The following RBFOX1 variants were observed in gnomAD, a reference collection of about 807,000 sequenced individuals.
The protein encoded by RBFOX1 is RNA binding protein fox-1 homolog 1.
In RBFOX1, 8 loss-of-function variants were observed where a neutral mutation model predicts 57.7. That is an observed-to-expected ratio of 0.14 (90% CI 0.08 to 0.25). The LOEUF (loss-of-function observed/expected upper bound fraction) is 0.25, where lower values mean the gene tolerates loss of function less well. Ranked by LOEUF, RBFOX1 falls within the 10% of genes least tolerant of loss-of-function variation. The pLI is 1.00. For missense variants in RBFOX1, 611 were observed against 548.5 expected (o/e 1.11, Z -1.14); for synonymous variants, 326 against 222.4 (o/e 1.47, Z -4.15).
intron 3 of RBFOX1, among the ~76,000 whole-genome samples, chr16:6,833,113 G>C (rs1411651553): frequency 1.4e-5 from 2 of 147,240 alleles, no homozygotes; most frequent in African/African-American, 5.0e-5. Context: ...GGCTTTTTCT[G>C]TGGCACTTTC....
chr16:7,557,480 C>G (rs554652958), intron 5 of RBFOX1, among the ~76,000 whole-genome samples: 2 of 151,724 alleles, frequency 1.3e-5, no homozygotes, highest in Admixed American at 6.6e-5. Flanking sequence ...ATTAGCCAGG[C>G]ATGGTGGTGG....
At chr16:6,497,026 T>G (rs2095790698) in intron 2 of RBFOX1, among the ~76,000 whole-genome samples, 1 of 152,158 alleles carries the variant, frequency 6.6e-6, no homozygotes. Context: ...AGAGGCACTG[T>G]GTCTTGGTTG....
At chr16:7,183,416 A>G (rs2083119001) in intron 4 of RBFOX1, among the ~76,000 whole-genome samples, 1 of 152,226 alleles carries the variant, frequency 6.6e-6, no homozygotes, top group Non-Finnish European at 1.5e-5. Flanking sequence ...GGGCACCATG[A>G]AAGTATCCTG....
At chr16:7,192,916 A>C (rs2085782191) in intron 4 of RBFOX1, among the ~76,000 whole-genome samples, 2 of 152,218 alleles carry the variant, frequency 1.3e-5, no homozygotes. Flanking sequence ...CTCTTCTGAG[A>C]ACAATGTAAA....
rs544277318 is a variant in RBFOX1 at position 7,129,297 on chromosome 16, T to G, written c.27+77199T>G. Among the ~76,000 whole-genome samples, 5 of 152,312 alleles carry G rather than the reference T, an allele frequency of 3.3e-5. No homozygotes were observed. In the South Asian group the frequency reaches 1.0e-3, roughly 32 times the overall value. On this transcript the variant is annotated intron_variant, in intron 4 of 15. Coordinates refer to ENST00000550418, the MANE Select transcript of RBFOX1 (RefSeq NM_018723.4). ...ATTTTGGCCAGGAAAACAAAGTGTT[T>G]CATCGGTTTGGTTAGATTTGGGTCC... is the stretch of plus-strand genomic sequence containing the variant.
intron 3 of RBFOX1, among the ~76,000 whole-genome samples, chr16:6,964,327 G>T (rs1163970426): frequency 2.0e-5 from 3 of 152,152 alleles, no homozygotes; most frequent in Non-Finnish European, 2.9e-5. Flanking sequence ...CAGCATAGAG[G>T]ATTTTTAGGG....
chr16:5,418,394 G>T (rs1359960129), intron 1 of RBFOX1, among the ~76,000 whole-genome samples: 1 of 152,026 alleles, frequency 6.6e-6, no homozygotes, highest in African/African-American at 2.4e-5. Context: ...GGAGGACCGG[G>T]GTGTTGTGTG....
At position 7,664,695 on chromosome 16, in the gene RBFOX1, A is replaced by C. The variant is rs535658529; in HGVS notation, c.891-234A>C. 9.5e-6 allele frequency: 6 copies of C among 632,894 alleles called. No homozygotes were observed. The African/African-American group carries it at 1.1e-4, about 12-fold the overall frequency. 39.2% of individuals were successfully genotyped at this position (632,894 alleles called of 1,614,324 possible). A position where few individuals can be genotyped will look rare whatever the true frequency, so the allele number is the denominator to read the frequency against. On this transcript the variant is annotated intron_variant, in intron 12 of 15. Coordinates refer to ENST00000550418, the MANE Select transcript of RBFOX1 (RefSeq NM_018723.4). Reference sequence around the variant, plus strand: ...TGAGAGAGTGGGAAGTTTGGGACCTAGCACACCGCCACCACCACATCCTAA... The same window carrying C: ...TGAGAGAGTGGGAAGTTTGGGACCTCGCACACCGCCACCACCACATCCTAA...
intron 1 of RBFOX1, among the ~76,000 whole-genome samples, chr16:5,263,338 C>G (rs1186711320): frequency 6.6e-6 from 1 of 151,928 alleles, no homozygotes; most frequent in Non-Finnish European, 1.5e-5. Flanking sequence ...ACTTTTGCAC[C>G]AACCTAATGC....
intron 2 of RBFOX1, among the ~76,000 whole-genome samples, chr16:6,543,854 A>C (rs564435629): frequency 2.6e-5 from 4 of 152,324 alleles, no homozygotes; most frequent in African/African-American, 9.6e-5. Flanking sequence ...TGCATGAAAA[A>C]AACCAAAAGA....
chr16:6,857,339 T>C (rs751487229), intron 3 of RBFOX1, among the ~76,000 whole-genome samples: 4 of 152,158 alleles, frequency 2.6e-5, no homozygotes, highest in Admixed American at 6.5e-5. Context: ...AAAAGATGTA[T>C]GGGTAGCATC....
At chr16:5,831,592 C>G (rs1211711917) in intron 3 of RBFOX1, among the ~76,000 whole-genome samples, 3 of 151,846 alleles carry the variant, frequency 2.0e-5, no homozygotes, top group Non-Finnish European at 4.4e-5. Context: ...TGGTTTCAAG[C>G]AATTCTCCTG....
chr16:6,784,911 C>G (rs984141089), intron 3 of RBFOX1, among the ~76,000 whole-genome samples: 1 of 152,040 alleles, frequency 6.6e-6, no homozygotes, highest in African/African-American at 2.4e-5. Flanking sequence ...ACCAAGCACT[C>G]TTCTAAGTTG....
chr16:6,518,761 A>G (rs1440379343), intron 2 of RBFOX1, among the ~76,000 whole-genome samples: 1 of 151,346 alleles, frequency 6.6e-6, no homozygotes, highest in East Asian at 2.0e-4. Flanking sequence ...CTGTCTATCC[A>G]TCTATCTATC....
intron 4 of RBFOX1, among the ~76,000 whole-genome samples, chr16:5,913,982 C>T (rs1229845193): frequency 6.6e-6 from 1 of 152,226 alleles, no homozygotes; most frequent in Non-Finnish European, 1.5e-5. Flanking sequence ...TGGTAAGGAA[C>T]TTCCTTAGAG....
intron 4 of RBFOX1, among the ~76,000 whole-genome samples, chr16:7,404,683 T>G (rs56386985): frequency 0.057 from 8,622 of 152,288 alleles, 337 homozygotes; most frequent in East Asian, 0.18. Context: ...TCTGTGGATA[T>G]TAAAAGAATG....
intron 4 of RBFOX1, among the ~76,000 whole-genome samples, chr16:7,193,684 G>A (rs1174940068): frequency 6.6e-6 from 1 of 152,190 alleles, no homozygotes; most frequent in Admixed American, 6.5e-5. Flanking sequence ...CTGTCACAGA[G>A]CTGGTATGTG....
chr16:7,229,040 T>G (rs1367359273), intron 4 of RBFOX1, among the ~76,000 whole-genome samples: 4 of 151,892 alleles, frequency 2.6e-5, no homozygotes, highest in African/African-American at 7.3e-5. Context: ...AACAGATGTA[T>G]CTAAACTGTT....
chr16:6,563,931 C>T (rs1171325905), intron 2 of RBFOX1, among the ~76,000 whole-genome samples: 2 of 150,612 alleles, frequency 1.3e-5, no homozygotes, highest in African/African-American at 2.4e-5. Flanking sequence ...TATATATATC[C>T]CATTAGGTCT....
Sources: allele counts gnomAD v4.1 joint callset (sites outside exome capture counted in the v4.1 genomes callset), GRCh38; gene constraint gnomAD v4.1.1; transcripts MANE v1.5; gene names NCBI Gene and HGNC (gene_info 2026-07-23, HGNC 2026-07-21).